DIP2C: variants seen among roughly 807,000 people sequenced by gnomAD.
DIP2C encodes the protein DIP2 acetate--CoA ligase C (putative).
DIP2C carries 33 observed loss-of-function variants against 192.4 expected under a neutral mutation model. The observed-to-expected ratio is 0.17, with a 90% CI of 0.13 to 0.23. DIP2C has a LOEUF of 0.23. DIP2C is among the 10% of genes least tolerant of loss of function. DIP2C has a pLI of 1.00. For synonymous variants in DIP2C, 979 were observed against 864.1 expected (o/e 1.13, Z -2.33); for missense variants, 1,537 against 2,110.1 (o/e 0.73, Z 5.32).
intron 4 of DIP2C, among the ~76,000 whole-genome samples, chr10:433,192 T>G (rs1207726740): frequency 1.3e-5 from 2 of 152,244 alleles, no homozygotes; most frequent in African/African-American, 4.8e-5. Context: ...AAAGGGGTGT[T>G]AAAGTCTCCA....
At chr10:491,005 A>G (rs2133584340) in intron 1 of DIP2C, among the ~76,000 whole-genome samples, 1 of 152,352 alleles carries the variant, frequency 6.6e-6, no homozygotes, top group Non-Finnish European at 1.5e-5. Flanking sequence ...GCAAAACCCA[A>G]TCTTACAAAA....
At chr10:366,554 G>T (rs1164969716) in intron 18 of DIP2C, 143 bp from the exon 19 acceptor site, 3 of 1,155,138 alleles carry the variant, frequency 2.6e-6, no homozygotes, top group East Asian at 2.6e-5. Context: ...AGTCAGCCAG[G>T]CACTCATTTT....
chr10:323,686 T>C lies in DIP2C; in HGVS notation c.3924+3320A>G, dbSNP rs928397051. 3.3e-5 allele frequency among the ~76,000 whole-genome samples: 5 copies of C among 152,248 alleles called. No individual in the cohort carries two copies. In the South Asian group the frequency reaches 1.0e-3, roughly 32 times the overall value. ...TAGATGGGTTTATGACTGTTATTTA[T>C]AAGCTAAAGTGTATTTTCTGATTTT... On this transcript the variant is annotated intron_variant, in intron 31 of 36. Coordinates refer to ENST00000280886, the MANE Select transcript of DIP2C (RefSeq NM_014974.3).
chr10:617,719 C>G (rs1361786356), intron 1 of DIP2C, among the ~76,000 whole-genome samples: 1 of 137,796 alleles, frequency 7.3e-6, no homozygotes, highest in Non-Finnish European at 1.5e-5. Context: ...GGCTGAGAAA[C>G]CACCCTCAAG....
At chr10:340,653 A>G (rs957295119) in intron 29 of DIP2C, 17 of 418,222 alleles carry the variant, frequency 4.1e-5, no homozygotes, top group African/African-American at 1.2e-4. Flanking sequence ...AGAAACATCC[A>G]TAAGTTTTTC....
At chr10:548,782 T>C (rs1207696584) in intron 1 of DIP2C, among the ~76,000 whole-genome samples, 1 of 151,930 alleles carries the variant, frequency 6.6e-6, no homozygotes, top group Admixed American at 6.6e-5. Flanking sequence ...ACATTTTAAT[T>C]AAGATGTTAC....
chr10:415,652 C>T (rs899469198), intron 7 of DIP2C, 117 bp downstream of exon 7: 9 of 1,407,916 alleles, frequency 6.4e-6, no homozygotes, highest in South Asian at 1.3e-5. Context: ...TCCCATCATG[C>T]GGCAAATGCC....
At chr10:625,099 G>A (rs1353193324) in intron 1 of DIP2C, among the ~76,000 whole-genome samples, 1 of 152,190 alleles carries the variant, frequency 6.6e-6, no homozygotes, top group South Asian at 2.1e-4. Context: ...TGATATTAAC[G>A]ATGACAATCA....
intron 1 of DIP2C, among the ~76,000 whole-genome samples, chr10:613,524 G>A (rs549573763): frequency 2.2e-4 from 33 of 152,276 alleles, no homozygotes; most frequent in African/African-American, 7.9e-4. Flanking sequence ...GCTTGACCAG[G>A]CAAACAACTG....
intron 1 of DIP2C, among the ~76,000 whole-genome samples, chr10:557,860 CA>C (rs1168236411): frequency 1.5e-5 from 1 of 68,376 alleles, no homozygotes; most frequent in Non-Finnish European, 2.9e-5. Flanking sequence ...GGGGAGGGGG[CA>C]GGGGCAGGCA....
chr10:424,355 G>T lies in DIP2C; in HGVS notation c.395-1322C>A, dbSNP rs868650179. Among the ~76,000 whole-genome samples the T allele has an allele frequency of 4.5e-3, 374 of 83,104 alleles. 1 individual carries two copies. The highest frequency in any genetic ancestry group is 0.027 in the Middle Eastern group (3 of 112). 54.5% of individuals were successfully genotyped at this position (83,104 alleles called of 152,430 possible). On this transcript the variant is annotated intron_variant, in intron 4 of 36. Transcript: ENST00000280886. ...GCCTGAAAATTCTCTATCACCTTGGGTTTTTTTTTTTTTTTTTTTTTTTTT... is the reference window on the plus strand; with the variant it reads ...GCCTGAAAATTCTCTATCACCTTGGTTTTTTTTTTTTTTTTTTTTTTTTTT...
At chr10:533,844 C>T (rs2130871609) in intron 1 of DIP2C, among the ~76,000 whole-genome samples, 1 of 152,142 alleles carries the variant, frequency 6.6e-6, no homozygotes, top group Middle Eastern at 3.4e-3. Context: ...CGTCTTGAAC[C>T]GTGGGAAAAT....
chr10:481,407 G>A (rs1229877292), intron 2 of DIP2C, among the ~76,000 whole-genome samples: 2 of 152,162 alleles, frequency 1.3e-5, no homozygotes, highest in South Asian at 2.1e-4. Flanking sequence ...AGCCCTCTCC[G>A]TGGCGACAGG....
At chr10:561,286 TG>T (rs1167210705) in intron 1 of DIP2C, among the ~76,000 whole-genome samples, 1 of 152,194 alleles carries the variant, frequency 6.6e-6, no homozygotes, top group African/African-American at 2.4e-5. Context: ...GTATTTATTT[TG>T]GGGCAGGTTA....
chr10:586,949 G>T (rs1272399286), intron 1 of DIP2C, among the ~76,000 whole-genome samples: 2 of 151,814 alleles, frequency 1.3e-5, no homozygotes, highest in African/African-American at 4.8e-5. Flanking sequence ...GGGGCAAACA[G>T]TGCAGTGTCT....
At chr10:564,798 C>T (rs975399233) in intron 1 of DIP2C, among the ~76,000 whole-genome samples, 23 of 152,184 alleles carry the variant, frequency 1.5e-4, no homozygotes, top group Non-Finnish European at 3.2e-4. Context: ...CAGTGCTCTT[C>T]CCATCTCAGA....
rs1004532785 is a variant in DIP2C, at chr10:601,374, T to C, written c.85+88120A>G. On this transcript the variant is annotated intron_variant, in intron 1 of 36. Transcript: ENST00000280886. Reference sequence around the variant, plus strand: ...CCCATTTTAGATGTCCAAATGCATATGTCAAAGTAAGAAACGTGCTAAGTG... The same window carrying C: ...CCCATTTTAGATGTCCAAATGCATACGTCAAAGTAAGAAACGTGCTAAGTG... 4.1e-4 allele frequency among the ~76,000 whole-genome samples: 63 copies of C among 152,100 alleles called. 1 individual carries two copies. Among genetic ancestry groups the C allele is most frequent in the East Asian group, 5.8e-4 (3 of 5,200 alleles).
At chr10:368,932 T>C (rs553720208) in intron 18 of DIP2C, among the ~76,000 whole-genome samples, 21 of 152,346 alleles carry the variant, frequency 1.4e-4, no homozygotes, top group African/African-American at 5.0e-4. Context: ...AAGCGGCTCC[T>C]GGGAGGTGCC....
chr10:510,196 G>A (rs1845917423), intron 1 of DIP2C, among the ~76,000 whole-genome samples: 1 of 152,180 alleles, frequency 6.6e-6, no homozygotes, highest in Non-Finnish European at 1.5e-5. Context: ...TACACTCATT[G>A]GTTCCATTCA....
Sources: gnomAD v4.1 joint callset for allele counts (sites outside exome capture counted in the v4.1 genomes callset) on GRCh38, gnomAD v4.1.1 for gene constraint, MANE v1.5 for transcripts, NCBI Gene and HGNC (gene_info 2026-07-23, HGNC 2026-07-21) for gene names.